THSD7B: variants seen among roughly 807,000 people sequenced by gnomAD.
THSD7B encodes the protein thrombospondin type 1 domain containing 7B, also known as thrombospondin type-1 domain-containing protein 7B.
Under a neutral mutation model 213.6 loss-of-function variants are expected in THSD7B, and 138 were observed. The ratio of observed to expected loss-of-function variants is 0.65; its 90% CI spans 0.56 to 0.74. The LOEUF (loss-of-function observed/expected upper bound fraction) is 0.74. Among genes scored for constraint, THSD7B ranks in the 30% least tolerant of loss-of-function variants. The pLI is 0.00. For missense variants in THSD7B, 1,931 were observed against 1,991.5 expected, an observed-to-expected ratio of 0.97 and a Z score of 0.58; for synonymous variants, 742 against 687.0, an observed-to-expected ratio of 1.08 and a Z score of -1.25.
At chr2:137,230,548 A>T (rs1023402274) in intron 7 of THSD7B, among the ~76,000 whole-genome samples, 3 of 152,210 alleles carry the variant, frequency 2.0e-5, no homozygotes, top group African/African-American at 4.8e-5. Flanking sequence ...CAGATAATTT[A>T]CCACTATGAA....
rs1014809589 is a variant in THSD7B at position 137,468,679 on chromosome 2, A to G, written c.3138+17656A>G. ...GTAGAACTTTTGACATAGTGAAAAT[A>G]TTACATTATTTTCTCTGAGTAAATT... is the stretch of plus-strand genomic sequence containing the variant. On this transcript the variant is annotated intron_variant, in intron 15 of 27. Transcript: ENST00000409968. Among the ~76,000 whole-genome samples, 2 of 151,634 alleles carry G rather than the reference A, an allele frequency of 1.3e-5. 1 individual carries two copies. The highest frequency in any genetic ancestry group is 2.9e-5 in the Non-Finnish European group (2 of 67,906).
chr2:136,992,664 G>C (rs1685809868), intron 2 of THSD7B, among the ~76,000 whole-genome samples: 1 of 152,216 alleles, frequency 6.6e-6, no homozygotes, highest in Non-Finnish European at 1.5e-5. Flanking sequence ...TGCACACTTA[G>C]TTACAAGACA....
Position 137,314,366 on chromosome 2 carries a change from T to G in THSD7B, c.2500+38340T>G, listed in dbSNP as rs554549036. Among the ~76,000 whole-genome samples the G allele has an allele frequency of 3.3e-5, 5 of 152,334 alleles. No individual in the cohort carries two copies. The East Asian group carries it at 5.8e-4, about 18-fold the overall frequency. On this transcript the variant is annotated intron_variant, in intron 12 of 27. Transcript: ENST00000409968. ...TTGGTTTTCAGCTCCGTCAGCTCCT[T>G]TAAGCACTTCTCTGTATTGGTTATT...
intron 10 of THSD7B, among the ~76,000 whole-genome samples, chr2:137,254,932 G>T (rs1236779004): frequency 6.6e-6 from 1 of 151,746 alleles, no homozygotes; most frequent in Admixed American, 6.6e-5. Context: ...GAGTGAGGGG[G>T]GGCTCTCATA....
chr2:137,218,278 T>C (rs1353547372), intron 7 of THSD7B, among the ~76,000 whole-genome samples: 1 of 152,174 alleles, frequency 6.6e-6, no homozygotes, highest in African/African-American at 2.4e-5. Flanking sequence ...TTGACTTAAA[T>C]GTCACTATTA....
chr2:137,096,549 T>C (rs1381038006), intron 4 of THSD7B, among the ~76,000 whole-genome samples: 1 of 152,180 alleles, frequency 6.6e-6, no homozygotes, highest in Non-Finnish European at 1.5e-5. Context: ...TCATTCCTTA[T>C]CTCAAATGCA....
chr2:137,523,807 G>T (rs1461562054), intron 15 of THSD7B, among the ~76,000 whole-genome samples: 2 of 151,854 alleles, frequency 1.3e-5, no homozygotes, highest in African/African-American at 4.8e-5. Flanking sequence ...TTAAGCTCTG[G>T]GATGGATCTC....
rs1017229090 is a variant in THSD7B at position 136,961,328 on chromosome 2, C to A, written c.139+79011C>A. On this transcript the variant is annotated intron_variant, in intron 2 of 27. Coordinates refer to ENST00000409968, the MANE Select transcript of THSD7B (RefSeq NM_001316349.2). ...CTCCACCTCCCAGGTTCACGCCATT[C>A]TCTTGCCTCAGCCTCCCGAGTAGCT... 2.0e-5 allele frequency among the ~76,000 whole-genome samples: 3 copies of A among 149,118 alleles called. No homozygotes were observed. The East Asian group carries it at 6.2e-4, about 31-fold the overall frequency.
intron 6 of THSD7B, among the ~76,000 whole-genome samples, chr2:137,169,528 C>T (rs1680201373): frequency 6.6e-6 from 1 of 152,108 alleles, no homozygotes; most frequent in Non-Finnish European, 1.5e-5. Context: ...ATGCAGCTTT[C>T]ACTCTGGGAA....
chr2:137,328,597 T>A (rs1161985555), intron 12 of THSD7B, among the ~76,000 whole-genome samples: 1 of 152,244 alleles, frequency 6.6e-6, no homozygotes, highest in African/African-American at 2.4e-5. Context: ...TCTAGTGACA[T>A]CTGACTGGTT....
At chr2:137,258,939 G>T (rs921642421) in intron 10 of THSD7B, among the ~76,000 whole-genome samples, 1 of 151,882 alleles carries the variant, frequency 6.6e-6, no homozygotes, top group South Asian at 2.1e-4. Context: ...TGCGGTGTTT[G>T]GTCTTCTGTT....
chr2:137,267,259 A>C (rs368684739), intron 10 of THSD7B, among the ~76,000 whole-genome samples: 1 of 152,214 alleles, frequency 6.6e-6, no homozygotes, highest in African/African-American at 2.4e-5. Flanking sequence ...CTGAATTTAA[A>C]CTAGTTATTT....
At chr2:137,611,868 G>T (rs896111054) in intron 17 of THSD7B, among the ~76,000 whole-genome samples, 5 of 152,084 alleles carry the variant, frequency 3.3e-5, no homozygotes, top group Non-Finnish European at 2.9e-5. Context: ...GGGAGACAAG[G>T]TATGATCTCT....
intron 10 of THSD7B, among the ~76,000 whole-genome samples, chr2:137,262,782 A>AT (rs1682482569): frequency 1.3e-5 from 2 of 151,950 alleles, no homozygotes; most frequent in South Asian, 2.1e-4. Context: ...CTCCCTGGGG[A>AT]TTTTTTTAAA....
At chr2:137,612,389 A>G (rs991629614) in intron 17 of THSD7B, among the ~76,000 whole-genome samples, 1 of 152,146 alleles carries the variant, frequency 6.6e-6, no homozygotes, top group African/African-American at 2.4e-5. Flanking sequence ...GGTTACCCCT[A>G]TTCCAGCTCT....
chr2:137,310,830 T>C (rs1466217655), intron 12 of THSD7B, among the ~76,000 whole-genome samples: 1 of 152,112 alleles, frequency 6.6e-6, no homozygotes, highest in Admixed American at 6.5e-5. Flanking sequence ...TGCGGCGTTA[T>C]TTCTGAGGGC....
At chr2:136,812,066 T>C (rs1682384843) in intron 1 of THSD7B, among the ~76,000 whole-genome samples, 1 of 152,238 alleles carries the variant, frequency 6.6e-6, no homozygotes, top group Admixed American at 6.5e-5. Context: ...AGCAAATTAC[T>C]TGATTAGAGC....
At chr2:137,347,931 A>G (rs1005610915) in intron 12 of THSD7B, among the ~76,000 whole-genome samples, 2 of 151,402 alleles carry the variant, frequency 1.3e-5, no homozygotes, top group African/African-American at 4.8e-5. Flanking sequence ...ATAGAACTCT[A>G]TTGTATTATG....
Position 137,160,366 on chromosome 2 carries a change from A to G in THSD7B, c.1523A>G (p.Lys508Arg). The G allele has an allele frequency of 3.7e-6, 6 of 1,611,712 alleles. No individual in the cohort carries two copies. Among genetic ancestry groups the G allele is most frequent in the Non-Finnish European group, 5.1e-6 (6 of 1,179,024 alleles). The stretch of plus-strand genomic sequence containing the variant: ...AACTGTCATGATCCTCAGGGGAAAA[A>G]AGGTGAGTGCCTTGTTTGCATGCGC... ...HENCHDPQGKKGFRTRQRHVL... is the reference protein window; with the variant it reads ...HENCHDPQGKRGFRTRQRHVL... The change falls in exon 6 of 28, where the codon AAA (lysine) becomes AGA (arginine). Residue 508 changes from lysine to arginine, a missense_variant and splice_region_variant. Physicochemically the swap from Lys to Arg is conservative, Grantham distance 26. Coordinates refer to ENST00000409968, the MANE Select transcript of THSD7B (RefSeq NM_001316349.2).
Sources: allele counts gnomAD v4.1 joint callset (sites outside exome capture counted in the v4.1 genomes callset), GRCh38; gene constraint gnomAD v4.1.1; transcripts MANE v1.5; gene names NCBI Gene and HGNC (gene_info 2026-07-23, HGNC 2026-07-21).